CADM2: variants seen among roughly 807,000 people sequenced by gnomAD.
CADM2 encodes the protein cell adhesion molecule 2.
CADM2 carries 12 observed loss-of-function variants against 49.8 expected under a neutral mutation model. The ratio of observed to expected loss-of-function variants is 0.24; its 90% CI spans 0.15 to 0.39. CADM2 has a LOEUF of 0.39. CADM2 is among the 10% of genes least tolerant of loss of function. The probability of loss-of-function intolerance (pLI) is 1.00; values close to 1 mark genes in which losing one functional copy is unlikely to be tolerated. For synonymous variants in CADM2, 214 were observed against 175.4 expected (o/e 1.22, Z -1.74); for missense variants, 378 against 492.3 (o/e 0.77, Z 2.20).
chr3:85,843,888 A>ATG (rs957863432), intron 3 of CADM2, among the ~76,000 whole-genome samples: 1 of 151,442 alleles, frequency 6.6e-6, no homozygotes, highest in African/African-American at 2.4e-5. Context: ...ATGTGAGTGT[A>ATG]TGTGTGTGTG....
At chr3:85,461,259 A>G (rs1025264594) in intron 1 of CADM2, among the ~76,000 whole-genome samples, 6 of 152,104 alleles carry the variant, frequency 3.9e-5, no homozygotes, top group African/African-American at 1.4e-4. Flanking sequence ...AACACCATGT[A>G]ATATTATACT....
chr3:85,694,031 C>A (rs1261294735), intron 1 of CADM2, among the ~76,000 whole-genome samples: 1 of 151,844 alleles, frequency 6.6e-6, no homozygotes, highest in Non-Finnish European at 1.5e-5. Flanking sequence ...TGTGAAATTT[C>A]AGGATATTTT....
At chr3:85,244,366 A>C (rs1194621453) in intron 1 of CADM2, among the ~76,000 whole-genome samples, 2 of 152,184 alleles carry the variant, frequency 1.3e-5, no homozygotes, top group Non-Finnish European at 2.9e-5. Context: ...CATTGATTGA[A>C]CATCCGCAGA....
chr3:85,971,179 A>G (rs113331723), intron 8 of CADM2, among the ~76,000 whole-genome samples: 18 of 151,684 alleles, frequency 1.2e-4, no homozygotes, highest in African/African-American at 4.3e-4. Flanking sequence ...CAACAAATGT[A>G]TTTACTTCAT....
At chr3:85,496,586 G>T (rs1419810725) in intron 1 of CADM2, among the ~76,000 whole-genome samples, 1 of 152,118 alleles carries the variant, frequency 6.6e-6, no homozygotes, top group Non-Finnish European at 1.5e-5. Context: ...TCAAATGGAG[G>T]TTCTCTTTTT....
chr3:85,069,466 T>C (rs552123674), intron 1 of CADM2, among the ~76,000 whole-genome samples: 1 of 152,282 alleles, frequency 6.6e-6, no homozygotes, highest in South Asian at 2.1e-4. Flanking sequence ...ATTCAAATGT[T>C]TTTTGGTACA....
intron 1 of CADM2, among the ~76,000 whole-genome samples, chr3:85,604,528 T>C (rs1324504501): frequency 6.6e-6 from 1 of 152,002 alleles, no homozygotes; most frequent in East Asian, 1.9e-4. Flanking sequence ...ATATAAATGT[T>C]GAATCTTACA....
intron 1 of CADM2, among the ~76,000 whole-genome samples, chr3:85,066,788 G>C (rs558647280): frequency 6.6e-6 from 1 of 152,230 alleles, no homozygotes; most frequent in Admixed American, 6.5e-5. Flanking sequence ...ATTATTTCCT[G>C]CTTTCAAGGT....
chr3:85,133,818 G>C (rs903554703), intron 1 of CADM2, among the ~76,000 whole-genome samples: 5 of 152,234 alleles, frequency 3.3e-5, no homozygotes, highest in Admixed American at 6.5e-5. Context: ...CCCTCACCGG[G>C]GCTGCAGGTG....
At chr3:85,095,793 G>A (rs2037773527) in intron 1 of CADM2, among the ~76,000 whole-genome samples, 2 of 152,108 alleles carry the variant, frequency 1.3e-5, no homozygotes, top group South Asian at 4.1e-4. Flanking sequence ...ATACTCTGTA[G>A]CATGAAATTT....
At chr3:85,749,552 A>G (rs1440120281) in intron 2 of CADM2, among the ~76,000 whole-genome samples, 2 of 151,836 alleles carry the variant, frequency 1.3e-5, no homozygotes, top group East Asian at 3.9e-4. Context: ...CCCGGGATAT[A>G]TCTGTATCTT....
chr3:85,905,456 G>A (rs1716676225), intron 5 of CADM2, among the ~76,000 whole-genome samples: 1 of 151,992 alleles, frequency 6.6e-6, no homozygotes, highest in Non-Finnish European at 1.5e-5. Context: ...CTTACTAGAA[G>A]GAAAAGAAGC....
chr3:85,949,365 G>A (rs1723116421), intron 7 of CADM2, among the ~76,000 whole-genome samples: 1 of 151,270 alleles, frequency 6.6e-6, no homozygotes, highest in East Asian at 2.0e-4. Context: ...ACACCTTAAA[G>A]GGTTTGAAAA....
At chr3:85,777,999 T>A (rs914632339) in intron 2 of CADM2, among the ~76,000 whole-genome samples, 1 of 152,166 alleles carries the variant, frequency 6.6e-6, no homozygotes, top group African/African-American at 2.4e-5. Context: ...CAGTGAACAG[T>A]ACAATCATCC....
chr3:84,971,138 TAAGA>T (rs1473458948), intron 1 of CADM2, among the ~76,000 whole-genome samples: 1 of 152,140 alleles, frequency 6.6e-6, no homozygotes, highest in African/African-American at 2.4e-5. Flanking sequence ...CAGTTTGTTA[TAAGA>T]AAGAAACACC....
chr3:85,553,044 T>G (rs770126247), intron 1 of CADM2, among the ~76,000 whole-genome samples: 7 of 152,148 alleles, frequency 4.6e-5, no homozygotes, highest in Non-Finnish European at 1.0e-4. Context: ...TGTAGTCAAT[T>G]TTTTAAAATT....
chr3:85,847,067 T>C (rs2074914043), intron 3 of CADM2, among the ~76,000 whole-genome samples: 2 of 152,148 alleles, frequency 1.3e-5, no homozygotes, highest in African/African-American at 4.8e-5. Context: ...ACCAGCACCA[T>C]GGGCTTCAAG....
chr3:85,245,018 A>G (rs1011180505), intron 1 of CADM2, among the ~76,000 whole-genome samples: 2 of 152,304 alleles, frequency 1.3e-5, no homozygotes, highest in East Asian at 1.9e-4. Flanking sequence ...GTCACGTAAT[A>G]GTCATTTCAA....
intron 7 of CADM2, 140 bp from the exon 8 acceptor site, chr3:85,961,329 G>T (rs1050677243): frequency 1.6e-6 from 1 of 610,100 alleles, no homozygotes; most frequent in African/African-American, 1.9e-5. Context: ...AGTGTGTGAT[G>T]GTCCTTTTGG....
Sources: allele counts gnomAD v4.1 joint callset (sites outside exome capture counted in the v4.1 genomes callset), GRCh38; gene constraint gnomAD v4.1.1; transcripts MANE v1.5; gene names NCBI Gene and HGNC (gene_info 2026-07-23, HGNC 2026-07-21).